EXPH5: variants seen among roughly 807,000 people sequenced by gnomAD.
EXPH5 encodes exophilin 5, also known as exophilin-5.
Under a neutral mutation model 41.1 loss-of-function variants are expected in EXPH5, and 42 were observed. That is an observed-to-expected ratio of 1.02 (90% CI 0.80 to 1.32). The LOEUF is 1.32. Among genes scored for constraint, EXPH5 ranks in the 40% most tolerant of loss-of-function variants. EXPH5 has a pLI of 0.00. For synonymous variants in EXPH5, 798 were observed against 833.5 expected (o/e 0.96, Z 0.73); for missense variants, 2,298 against 2,314.5 (o/e 0.99, Z 0.15).
chr11:108,516,231 A>T (rs899430025), intron 5 of EXPH5, among the ~76,000 whole-genome samples: 14 of 152,198 alleles, frequency 9.2e-5, no homozygotes, highest in African/African-American at 3.1e-4. Context: ...TAGCAAAGTC[A>T]GGGAGTGGTG....
At chr11:108,594,989 T>C (rs537785110), upstream of EXPH5, among the ~76,000 whole-genome samples, 4 of 152,388 alleles carry the variant, frequency 2.6e-5, no homozygotes, top group African/African-American at 9.6e-5. Flanking sequence ...AACTCCTTTA[T>C]AAATAGTGTC....
rs114657849 is a variant in EXPH5 at position 108,566,872 on chromosome 11, G to A, written c.120-25060C>T. Among the ~76,000 whole-genome samples, 624 of 152,138 alleles carry A rather than the reference G, an allele frequency of 4.1e-3. 5 individuals are homozygous for A. Among genetic ancestry groups the A allele is most frequent in the African/African-American group, 0.014 (595 of 41,490 alleles). On this transcript the variant is annotated intron_variant, in intron 1 of 5. Transcript: ENST00000265843. Reference sequence around the variant, plus strand: ...AGATTTCCTTTTGTGGTCTTTTGCCGGTCACTCAACACAGATAGCACCAAC... The same window carrying A: ...AGATTTCCTTTTGTGGTCTTTTGCCAGTCACTCAACACAGATAGCACCAAC...
intron 1 of EXPH5, among the ~76,000 whole-genome samples, chr11:108,542,171 G>C (rs2155437): frequency 0.13 from 20,403 of 151,992 alleles, 1,514 homozygotes; most frequent in South Asian, 0.21. Context: ...TGAGCCACCT[G>C]GCCCAGCCTC....
the EXPH5 span, among the ~76,000 whole-genome samples, chr11:108,602,698 C>T: frequency 6.6e-6 from 1 of 152,156 alleles, no homozygotes; most frequent in Non-Finnish European, 1.5e-5. Flanking sequence ...TGGCGTGAGC[C>T]ATCATCTCAC....
At chr11:108,558,359 G>C (rs953212872) in intron 1 of EXPH5, among the ~76,000 whole-genome samples, 2 of 152,198 alleles carry the variant, frequency 1.3e-5, no homozygotes, top group Non-Finnish European at 2.9e-5. Context: ...AAGTAGCTGG[G>C]ACTACAGGCA....
chr11:108,533,483 G>A (rs1025203463), intron 3 of EXPH5, among the ~76,000 whole-genome samples: 2 of 152,180 alleles, frequency 1.3e-5, no homozygotes, highest in Non-Finnish European at 2.9e-5. Context: ...GATTACAGGC[G>A]TGAGCCACCT....
chr11:108,584,662 A>T (rs1194857283), intron 1 of EXPH5, among the ~76,000 whole-genome samples: 1 of 152,230 alleles, frequency 6.6e-6, no homozygotes, highest in Non-Finnish European at 1.5e-5. Flanking sequence ...AATTTAATGA[A>T]GGACAGTCTT....
At chr11:108,552,492 G>C (rs1231327991) in intron 1 of EXPH5, among the ~76,000 whole-genome samples, 1 of 152,116 alleles carries the variant, frequency 6.6e-6, no homozygotes, top group South Asian at 2.1e-4. Flanking sequence ...AGCCCTTTAG[G>C]ACTCAAAGAG....
At chr11:108,588,395 G>A (rs1482621415) in intron 1 of EXPH5, among the ~76,000 whole-genome samples, 2 of 152,196 alleles carry the variant, frequency 1.3e-5, no homozygotes, top group African/African-American at 4.8e-5. Context: ...TCCTGGTTCT[G>A]TTATGAGCTA....
At chr11:108,584,211 C>A (rs1308002092) in intron 1 of EXPH5, among the ~76,000 whole-genome samples, 1 of 152,138 alleles carries the variant, frequency 6.6e-6, no homozygotes, top group Non-Finnish European at 1.5e-5. Context: ...CACAGTGGCT[C>A]ACACTTATAA....
the EXPH5 span, among the ~76,000 whole-genome samples, chr11:108,605,855 T>G: frequency 6.6e-6 from 1 of 152,222 alleles, no homozygotes; most frequent in African/African-American, 2.4e-5. Flanking sequence ...CCCCACCAAT[T>G]GTGAGGCAGG....
rs562208859 is a variant in EXPH5, at chr11:108,571,231, A to G, written c.119+22187T>C. On this transcript the variant is annotated intron_variant, in intron 1 of 5. Coordinates refer to ENST00000265843, the MANE Select transcript of EXPH5 (RefSeq NM_015065.3). Reference sequence around the variant, plus strand: ...CTTGCCTGGATGGTAGAGGCAAAGCAATTACACAACCGTGGATAGACATGA... The same window carrying G: ...CTTGCCTGGATGGTAGAGGCAAAGCGATTACACAACCGTGGATAGACATGA... Among the ~76,000 whole-genome samples the G allele has an allele frequency of 1.6e-4, 24 of 152,310 alleles. 1 individual carries two copies. The South Asian group carries it at 5.0e-3, about 32-fold the overall frequency.
At position 108,506,317 on chromosome 11, in the gene EXPH5, A is replaced by C. The variant is rs2093643928; in HGVS notation, c.*3220T>G. 1 of 152,230 alleles carries C rather than the reference A, an allele frequency of 6.6e-6. No homozygotes were observed. Among genetic ancestry groups the C allele is most frequent in the Non-Finnish European group, 1.5e-5 (1 of 68,042 alleles). 9.4% of individuals were successfully genotyped at this position (152,230 alleles called of 1,614,324 possible). A position where few individuals can be genotyped will look rare whatever the true frequency, so the allele number is the denominator to read the frequency against. On this transcript the variant is annotated 3_prime_UTR_variant, in exon 6 of 6. Coordinates refer to ENST00000265843, the MANE Select transcript of EXPH5 (RefSeq NM_015065.3). ...CTTTATAAAAGTATAAAATTATAAA[A>C]GGTGCTATTTTCATGAATTTTGTGT... is the stretch of plus-strand genomic sequence containing the variant.
At chr11:108,607,088 C>T in the EXPH5 span, among the ~76,000 whole-genome samples, 1 of 152,126 alleles carries the variant, frequency 6.6e-6, no homozygotes, top group African/African-American at 2.4e-5. Context: ...AGGCAATAGA[C>T]TGATACAACA....
At position 108,593,477 on chromosome 11, in the gene EXPH5, C is replaced by T; in HGVS notation, c.60G>A (p.Lys20=). 1 of 1,614,228 alleles carries T rather than the reference C, an allele frequency of 6.2e-7. No individual in the cohort carries two copies. The highest frequency in any genetic ancestry group is 8.5e-7 in the Non-Finnish European group (1 of 1,180,030). The change falls in exon 1 of 6, where the codon AAG becomes AAA. Residue 20 remains lysine, a synonymous_variant. Transcript: ENST00000265843. ...CATTCCTTTCCAGCACCTGAAGGAT[C>T]TTCCTGGCCTCTTCGTCATTTAAGA... ...FSFLNDEEAR[K]ILQVLERNEE...
At position 108,587,997 on chromosome 11, in the gene EXPH5, C is replaced by T. The variant is rs368818261; in HGVS notation, c.119+5421G>A. Among the ~76,000 whole-genome samples, 256 of 152,324 alleles carry T rather than the reference C, an allele frequency of 1.7e-3. 1 individual carries two copies. Among genetic ancestry groups the T allele is most frequent in the African/African-American group, 5.8e-3 (243 of 41,562 alleles). On this transcript the variant is annotated intron_variant, in intron 1 of 5. Coordinates refer to ENST00000265843, the MANE Select transcript of EXPH5 (RefSeq NM_015065.3). ...CAAACTCCTGACCTCAGGCAATCCA[C>T]CCATCTCAGCCTCCCAAAGTGCTGG...
At chr11:108,558,439 T>A (rs1183316249) in intron 1 of EXPH5, among the ~76,000 whole-genome samples, 1 of 152,208 alleles carries the variant, frequency 6.6e-6, no homozygotes, top group Non-Finnish European at 1.5e-5. Context: ...GCAAAGGGTA[T>A]GCCCCACTAT....
chr11:108,518,883 C>T (rs1019895247), intron 4 of EXPH5, among the ~76,000 whole-genome samples: 3 of 152,150 alleles, frequency 2.0e-5, no homozygotes, highest in Non-Finnish European at 2.9e-5. Flanking sequence ...CCTCTCTGGT[C>T]GTCCTAACTG....
At chr11:108,580,858 G>A (rs180771136) in intron 1 of EXPH5, among the ~76,000 whole-genome samples, 77 of 152,254 alleles carry the variant, frequency 5.1e-4, no homozygotes, top group Middle Eastern at 6.8e-3. Context: ...AAAAGCTGAC[G>A]TCATAGAAGT....
Sources: gnomAD v4.1 joint callset for allele counts (sites outside exome capture counted in the v4.1 genomes callset) on GRCh38, gnomAD v4.1.1 for gene constraint, MANE v1.5 for transcripts, NCBI Gene and HGNC (gene_info 2026-07-23, HGNC 2026-07-21) for gene names.